ZRANB3: variants seen among roughly 807,000 people sequenced by gnomAD.
The protein encoded by ZRANB3 is zinc finger RANBP2-type containing 3.
In ZRANB3, 125 loss-of-function variants were observed where a neutral mutation model predicts 133.8. The ratio of observed to expected loss-of-function variants is 0.93; its 90% confidence interval spans 0.81 to 1.08. The LOEUF is 1.08. ZRANB3 is among the 50% of genes least tolerant of loss of function. ZRANB3 has a pLI of 0.00. For synonymous variants in ZRANB3, 387 were observed against 432.7 expected (o/e 0.89, Z 1.31); for missense variants, 1,229 against 1,275.5 (o/e 0.96, Z 0.56).
Position 135,230,545 on chromosome 2 carries a change from C to T in ZRANB3, c.1922G>A (p.Cys641Tyr), listed in dbSNP as rs1694954537. 6.4e-7 allele frequency: 1 copy of T among 1,556,666 alleles called. No homozygotes were observed. The change falls in exon 13 of 21, where the codon TGT becomes TAT. Residue 641 changes from cysteine to tyrosine, a missense_variant. Cys to Tyr is a radical substitution (Grantham distance 194). Transcript: ENST00000264159. The stretch of plus-strand genomic sequence containing the variant: ...GCCTTGAGGAGTCTCACACATTTCA[C>T]AATAAGGTAACTCTGAATTATTGAT... ...TYINNSELPY[C>Y]EMCETPQGSA...
chr2:135,290,812 T>C (rs771611675), intron 8 of ZRANB3, among the ~76,000 whole-genome samples: 3 of 152,212 alleles, frequency 2.0e-5, no homozygotes, highest in Admixed American at 2.0e-4. Flanking sequence ...CTGGGTGTTC[T>C]TTGAGCTTCT....
At position 135,229,366 on chromosome 2, in the gene ZRANB3, A is replaced by AT. The variant is rs528864234; in HGVS notation, c.1954+1146dup. Among the ~76,000 whole-genome samples the AT allele has an allele frequency of 1.0e-2, 1,364 of 136,598 alleles. 15 individuals carry two copies. Among genetic ancestry groups the AT allele is most frequent in the African/African-American group, 0.027 (989 of 36,342 alleles). The allele number at this position is 136,598 out of a possible 152,430, so 89.6% of individuals were successfully genotyped here. A position where few individuals can be genotyped will look rare whatever the true frequency, so the allele number is the denominator to read the frequency against. ...TAGCTGAGTCTTTGTCAATGCCAAT[A>AT]TTTTTTTTTTTTTTTTTTTGAGACG... On this transcript the variant is annotated intron_variant, in intron 13 of 20. Transcript: ENST00000264159.
chr2:135,406,470 A>T (rs1688038309), intron 2 of ZRANB3, among the ~76,000 whole-genome samples: 1 of 152,236 alleles, frequency 6.6e-6, no homozygotes, highest in Non-Finnish European at 1.5e-5. Flanking sequence ...AACTCATTTT[A>T]TGAGGTCAGC....
At chr2:135,516,898 T>G (rs575446222) in intron 1 of ZRANB3, among the ~76,000 whole-genome samples, 1 of 152,282 alleles carries the variant, frequency 6.6e-6, no homozygotes, top group Admixed American at 6.5e-5. Context: ...CCCTGTCACT[T>G]TCAGGTACAC....
In ZRANB3 at chr2:135,322,587, G is replaced by C. The variant is rs369626473; in HGVS notation, c.678-7057C>G. Among the ~76,000 whole-genome samples, 6 of 152,126 alleles carry C rather than the reference G, an allele frequency of 3.9e-5. No homozygotes were observed. In the East Asian group the frequency reaches 7.8e-4, roughly 20 times the overall value. On this transcript the variant is annotated intron_variant, in intron 6 of 20. Coordinates refer to ENST00000264159, the MANE Select transcript of ZRANB3 (RefSeq NM_032143.4). The stretch of plus-strand genomic sequence containing the variant: ...AAAACAATTAGCTGAGTGTGGTGTT[G>C]TGCTCCTGTAGTCCTCCCTACTTGG...
At chr2:135,449,449 G>A (rs985307006) in intron 2 of ZRANB3, among the ~76,000 whole-genome samples, 5 of 152,026 alleles carry the variant, frequency 3.3e-5, no homozygotes, top group Admixed American at 3.3e-4. Context: ...CGGAAACCCC[G>A]TCTCTACTAA....
chr2:135,218,782 A>G (rs1432987303), intron 16 of ZRANB3, among the ~76,000 whole-genome samples: 1 of 152,236 alleles, frequency 6.6e-6, no homozygotes, highest in Non-Finnish European at 1.5e-5. Flanking sequence ...TAGCAGATAC[A>G]AATATCACAG....
intron 6 of ZRANB3, among the ~76,000 whole-genome samples, chr2:135,325,295 A>C (rs777440214): frequency 2.0e-5 from 3 of 152,256 alleles, no homozygotes; most frequent in Non-Finnish European, 4.4e-5. Context: ...AACTTATTAC[A>C]TTGAAAATTA....
chr2:135,281,495 T>A (rs186279157), intron 8 of ZRANB3, among the ~76,000 whole-genome samples: 5 of 152,096 alleles, frequency 3.3e-5, no homozygotes, highest in Admixed American at 1.3e-4. Context: ...CAAAAAAACA[T>A]CCTCCCTGAC....
Position 135,200,223 on chromosome 2 carries a change from ATTC to A in ZRANB3, c.*116_*118del. ...AAGTAATTAGTAGAAGAGAATTTGA[ATTC>A]TTGATTTTTGTTCTGAAAATTTTTA... On this transcript the variant is annotated 3_prime_UTR_variant, in exon 21 of 21. Transcript: ENST00000264159. The A allele has an allele frequency of 1.3e-6, 1 of 787,178 alleles. No homozygotes were observed. Among genetic ancestry groups the A allele is most frequent in the East Asian group, 2.7e-5 (1 of 37,262 alleles). 48.8% of individuals were successfully genotyped at this position (787,178 alleles called of 1,614,324 possible).
intron 7 of ZRANB3, among the ~76,000 whole-genome samples, chr2:135,314,227 G>A (rs557647908): frequency 1.9e-3 from 291 of 152,294 alleles, no homozygotes; most frequent in African/African-American, 6.6e-3. Flanking sequence ...AAGCAGAGTA[G>A]TAAAAATGTA....
intron 2 of ZRANB3, among the ~76,000 whole-genome samples, chr2:135,449,136 TA>T (rs1690154283): frequency 6.6e-6 from 1 of 152,170 alleles, no homozygotes; most frequent in South Asian, 2.1e-4. Context: ...TATGAGGAAC[TA>T]AAGAGATCAA....
chr2:135,227,450 A>C (rs1345788958), intron 14 of ZRANB3, among the ~76,000 whole-genome samples: 1 of 152,234 alleles, frequency 6.6e-6, no homozygotes, highest in African/African-American at 2.4e-5. Flanking sequence ...ATGATATGCT[A>C]AGTGTTAGTT....
Position 135,269,011 on chromosome 2 carries a change from A to AT in ZRANB3, c.1336dup (p.Ile446AsnfsTer28). 6.2e-7 allele frequency: 1 copy of AT among 1,610,708 alleles called. No individual in the cohort carries two copies. Among genetic ancestry groups the AT allele is most frequent in the Non-Finnish European group, 8.5e-7 (1 of 1,179,014 alleles). ...AAGGGTGTCTAGGGTTCCATTTGCAATAAGGTAGTGAATATTCACAGAACT... is the reference window on the plus strand; with the variant it reads ...AAGGGTGTCTAGGGTTCCATTTGCAATTAAGGTAGTGAATATTCACAGAACT... On this transcript the variant is annotated frameshift_variant, in exon 11 of 21. Transcript: ENST00000264159. LOFTEE classifies it high-confidence loss of function.
chr2:135,510,961 T>C, intron 1 of ZRANB3: 2 of 806,810 alleles, frequency 2.5e-6, no homozygotes, highest in East Asian at 2.4e-5. Context: ...TGGGGTTCAA[T>C]GTCACCTTGC....
intron 12 of ZRANB3, among the ~76,000 whole-genome samples, chr2:135,255,568 G>A (rs937662654): frequency 6.6e-6 from 1 of 152,122 alleles, no homozygotes; most frequent in South Asian, 2.1e-4. Flanking sequence ...ACAAATCAGG[G>A]CCAGGTGCAG....
intron 2 of ZRANB3, among the ~76,000 whole-genome samples, chr2:135,408,660 T>C (rs1348804092): frequency 6.6e-6 from 1 of 152,036 alleles, no homozygotes; most frequent in African/African-American, 2.4e-5. Flanking sequence ...AAGTGATGAG[T>C]TCATGTCCTT....
intron 4 of ZRANB3, among the ~76,000 whole-genome samples, chr2:135,352,325 C>T (rs1685243524): frequency 6.7e-6 from 1 of 150,366 alleles, no homozygotes; most frequent in Non-Finnish European, 1.5e-5. Context: ...GAGTGACACT[C>T]CGTCTCCAAA....
intron 19 of ZRANB3, among the ~76,000 whole-genome samples, chr2:135,207,019 G>T (rs1573667939): frequency 6.6e-6 from 1 of 152,048 alleles, no homozygotes; most frequent in African/African-American, 2.4e-5. Context: ...ACAAAAATTA[G>T]CCAGGTGTGG....
Sources: allele counts gnomAD v4.1 joint callset (sites outside exome capture counted in the v4.1 genomes callset), GRCh38; gene constraint gnomAD v4.1.1; transcripts MANE v1.5; gene names NCBI Gene and HGNC (gene_info 2026-07-23, HGNC 2026-07-21).